The following NUS1 variants were observed in gnomAD, a reference collection of about 807,000 sequenced individuals.
NUS1 encodes dehydrodolichyl diphosphate synthase complex subunit NUS1.
For synonymous variants in NUS1, 135 were observed against 155.2 expected (o/e 0.87, Z 0.97); for missense variants, 292 against 382.9 (o/e 0.76, Z 1.98).
chr6:117,678,254 G>GT lies in NUS1; in HGVS notation c.415+2177dup, dbSNP rs551306953. Among the ~76,000 whole-genome samples, 636 of 151,888 alleles carry GT rather than the reference G, an allele frequency of 4.2e-3. 5 individuals are homozygous for GT. Among genetic ancestry groups the GT allele is most frequent in the Non-Finnish European group, 7.3e-3 (497 of 67,884 alleles). On this transcript the variant is annotated intron_variant, in intron 1 of 4. Coordinates refer to ENST00000368494, the MANE Select transcript of NUS1 (RefSeq NM_138459.5). ...AACTGTAAAATCAGTTTTTTTGTTT[G>GT]TTTTTTTTAAAAGAATAAGAAATAT...
At chr6:117,686,419 A>G (rs926689401) in intron 1 of NUS1, among the ~76,000 whole-genome samples, 3 of 152,216 alleles carry the variant, frequency 2.0e-5, no homozygotes, top group Admixed American at 6.5e-5. Context: ...TAGAAATAGT[A>G]ACTGAACTGA....
At chr6:117,690,249 G>A (rs981616954) in intron 1 of NUS1, among the ~76,000 whole-genome samples, 4 of 152,008 alleles carry the variant, frequency 2.6e-5, no homozygotes, top group South Asian at 2.1e-4. Flanking sequence ...ATATTTCCAC[G>A]CTTAGAGTCT....
intron 3 of NUS1, among the ~76,000 whole-genome samples, chr6:117,702,765 T>G (rs1377579871): frequency 6.6e-6 from 1 of 152,188 alleles, no homozygotes; most frequent in African/African-American, 2.4e-5. Context: ...TGGACAGGAC[T>G]GCCTGATCCA....
intron 1 of NUS1, among the ~76,000 whole-genome samples, chr6:117,679,660 A>G (rs1773032745): frequency 6.6e-6 from 1 of 152,178 alleles, no homozygotes; most frequent in Non-Finnish European, 1.5e-5. Flanking sequence ...CAGGTTGGTC[A>G]TCTGGCTTCA....
At chr6:117,678,332 A>G (rs1044105454) in intron 1 of NUS1, among the ~76,000 whole-genome samples, 2 of 152,208 alleles carry the variant, frequency 1.3e-5, no homozygotes, top group African/African-American at 4.8e-5. Context: ...ATTCGTTCAT[A>G]CATTCATTTA....
intron 1 of NUS1, among the ~76,000 whole-genome samples, chr6:117,684,472 A>T (rs1002912373): frequency 1.3e-5 from 2 of 152,246 alleles, no homozygotes; most frequent in African/African-American, 4.8e-5. Flanking sequence ...GGATTACTGT[A>T]GTAGCCTCCT....
chr6:117,685,543 G>T (rs1327919007), intron 1 of NUS1, among the ~76,000 whole-genome samples: 1 of 151,690 alleles, frequency 6.6e-6, no homozygotes, highest in Non-Finnish European at 1.5e-5. Flanking sequence ...ATAAAGACAG[G>T]GTCTTGCTAC....
intron 3 of NUS1, among the ~76,000 whole-genome samples, chr6:117,702,520 A>G (rs867034440): frequency 3.3e-5 from 5 of 152,040 alleles, no homozygotes; most frequent in South Asian, 4.1e-4. Flanking sequence ...GTCAGTATCT[A>G]GTGTTCTTGA....
At position 117,708,775 on chromosome 6, in the gene NUS1, T is replaced by G. The variant is rs1773535617; in HGVS notation, c.*1760T>G. 1 of 152,392 alleles carries G rather than the reference T, an allele frequency of 6.6e-6. No homozygotes were observed. Among genetic ancestry groups the G allele is most frequent in the East Asian group, 1.9e-4 (1 of 5,186 alleles). 9.4% of individuals were successfully genotyped at this position (152,392 alleles called of 1,614,324 possible). On this transcript the variant is annotated 3_prime_UTR_variant, in exon 5 of 5. Transcript: ENST00000368494. ...TTTGTAGTGCAGCTGAAGACTGAAT[T>G]TATGCCTTTTGTAAACATGATAGGT...
chr6:117,692,368 C>G (rs1434900524), intron 1 of NUS1, among the ~76,000 whole-genome samples: 1 of 151,878 alleles, frequency 6.6e-6, no homozygotes, highest in Non-Finnish European at 1.5e-5. Flanking sequence ...TTAGTCAGAG[C>G]TCTTACTAGT....
intron 1 of NUS1, among the ~76,000 whole-genome samples, chr6:117,690,248 C>T (rs561908830): frequency 1.7e-3 from 253 of 152,208 alleles, no homozygotes; most frequent in African/African-American, 5.8e-3. Flanking sequence ...TATATTTCCA[C>T]GCTTAGAGTC....
intron 4 of NUS1, 127 bp downstream of exon 4, chr6:117,703,831 A>G: frequency 1.4e-6 from 1 of 707,366 alleles, no homozygotes; most frequent in Admixed American, 2.1e-5. Context: ...CAGTTATTTC[A>G]CAGTACCACT....
At chr6:117,676,222 G>T in intron 1 of NUS1, 137 bp downstream of exon 1, 1 of 1,356,530 alleles carries the variant, frequency 7.4e-7, no homozygotes, top group Non-Finnish European at 1.0e-6. Flanking sequence ...GAGGAAGGGA[G>T]ATCAGCTTTA....
Position 117,688,854 on chromosome 6 carries a change from A to C in NUS1, c.416-4188A>C, listed in dbSNP as rs192259331. On this transcript the variant is annotated intron_variant, in intron 1 of 4. Coordinates refer to ENST00000368494, the MANE Select transcript of NUS1 (RefSeq NM_138459.5). Reference sequence around the variant, plus strand: ...TAAAGATACTGCATTGTTATTCATTATCTTAATTACTGAGTTTTTTTGGCA... The same window carrying C: ...TAAAGATACTGCATTGTTATTCATTCTCTTAATTACTGAGTTTTTTTGGCA... 6.6e-5 allele frequency among the ~76,000 whole-genome samples: 10 copies of C among 152,300 alleles called. No individual in the cohort carries two copies. The East Asian group carries it at 1.9e-3, about 29-fold the overall frequency.
chr6:117,678,481 T>C (rs925476929), intron 1 of NUS1, among the ~76,000 whole-genome samples: 6 of 151,888 alleles, frequency 4.0e-5, no homozygotes, highest in Non-Finnish European at 8.8e-5. Flanking sequence ...GTAAGTGCAA[T>C]GAGGAAAAGT....
intron 4 of NUS1, among the ~76,000 whole-genome samples, chr6:117,705,243 C>T (rs1773482617): frequency 6.6e-6 from 1 of 152,152 alleles, no homozygotes; most frequent in African/African-American, 2.4e-5. Flanking sequence ...GTATGTTTCT[C>T]TTACCTGGTT....
Position 117,694,164 on chromosome 6 carries a change from G to T in NUS1, c.675G>T (p.Thr225=), listed in dbSNP as rs763523987. 1 of 1,597,998 alleles carries T rather than the reference G, an allele frequency of 6.3e-7. No homozygotes were observed. The highest frequency in any genetic ancestry group is 8.5e-7 in the Non-Finnish European group (1 of 1,173,288). ...QKRPTDLDVD[T]LASLLSSNGC... ...GACCCACAGATTTGGATGTAGATACGTTAGCCAGTTTACTTAGTAAGTTTT... is the reference window on the plus strand; with the variant it reads ...GACCCACAGATTTGGATGTAGATACTTTAGCCAGTTTACTTAGTAAGTTTT... Residue 225 remains threonine, a synonymous_variant, in exon 3 of 5, where the codon ACG becomes ACT. Transcript: ENST00000368494.
In NUS1 at chr6:117,707,683, G is replaced by A. The variant is rs1042335614; in HGVS notation, c.*668G>A. Reference sequence around the variant, plus strand: ...TGAAGTCTGGTATTCTGGTATTCTGGGTTCAAAAGTATGACTTGAGAGTGT... The same window carrying A: ...TGAAGTCTGGTATTCTGGTATTCTGAGTTCAAAAGTATGACTTGAGAGTGT... On this transcript the variant is annotated 3_prime_UTR_variant, in exon 5 of 5. Coordinates refer to ENST00000368494, the MANE Select transcript of NUS1 (RefSeq NM_138459.5). The A allele has an allele frequency of 7.6e-5, 11 of 144,882 alleles. No individual in the cohort carries two copies. Among genetic ancestry groups the A allele is most frequent in the African/African-American group, 2.8e-4 (11 of 38,862 alleles). The allele number at this position is 144,882 out of a possible 1,614,324, so 9.0% of individuals were successfully genotyped here. A position where few individuals can be genotyped will look rare whatever the true frequency, so the allele number is the denominator to read the frequency against.
intron 1 of NUS1, among the ~76,000 whole-genome samples, chr6:117,680,233 A>G (rs1428207216): frequency 1.3e-5 from 2 of 152,242 alleles, no homozygotes; most frequent in Non-Finnish European, 2.9e-5. Flanking sequence ...TTTTGAGTTC[A>G]GAATTCTAGC....
Sources: gnomAD v4.1 joint callset for allele counts (sites outside exome capture counted in the v4.1 genomes callset) on GRCh38, gnomAD v4.1.1 for gene constraint, MANE v1.5 for transcripts, NCBI Gene and HGNC (gene_info 2026-07-23, HGNC 2026-07-21) for gene names.